Variants in MACROD2 observed in about 807,000 individuals in gnomAD.
The protein encoded by MACROD2 is mono-ADP ribosylhydrolase 2, also known as ADP-ribose glycohydrolase MACROD2.
In MACROD2, 36 loss-of-function variants were observed where a neutral mutation model predicts 70.4. The ratio of observed to expected loss-of-function variants is 0.51; its 90% CI spans 0.39 to 0.68. The LOEUF is 0.68. MACROD2 is among the 30% of genes least tolerant of loss of function. The pLI is 0.00. For missense variants in MACROD2, 496 were observed against 538.4 expected (o/e 0.92, Z 0.78); for synonymous variants, 172 against 178.8 (o/e 0.96, Z 0.30).
chr20:15,691,318 T>G (rs973241700), intron 8 of MACROD2, among the ~76,000 whole-genome samples: 1 of 152,214 alleles, frequency 6.6e-6, no homozygotes, highest in African/African-American at 2.4e-5. Flanking sequence ...ATTTGTAAAT[T>G]AATACATCCA....
intron 5 of MACROD2, among the ~76,000 whole-genome samples, chr20:14,892,438 G>A (rs1049455530): frequency 2.6e-5 from 4 of 151,900 alleles, no homozygotes; most frequent in East Asian, 1.9e-4. Context: ...CTCCAGCCTC[G>A]GCAATAGAGT....
At chr20:14,525,693 G>C (rs1049152387) in intron 4 of MACROD2, among the ~76,000 whole-genome samples, 1 of 152,244 alleles carries the variant, frequency 6.6e-6, no homozygotes, top group African/African-American at 2.4e-5. Context: ...GAGAGAAGCA[G>C]TGCCCTAATC....
chr20:15,412,274 A>G (rs149340084), intron 6 of MACROD2, among the ~76,000 whole-genome samples: 1 of 152,164 alleles, frequency 6.6e-6, no homozygotes, highest in Non-Finnish European at 1.5e-5. Context: ...ATAATTTTGC[A>G]TATGCATTAT....
intron 15 of MACROD2, among the ~76,000 whole-genome samples, chr20:16,008,494 A>G (rs890338083): frequency 2.6e-5 from 4 of 152,240 alleles, no homozygotes; most frequent in African/African-American, 9.6e-5. Context: ...GTATCCTGGC[A>G]GTGAGGCTAA....
chr20:14,659,172 A>C (rs540643823), intron 4 of MACROD2, among the ~76,000 whole-genome samples: 1 of 152,320 alleles, frequency 6.6e-6, no homozygotes, highest in African/African-American at 2.4e-5. Context: ...ATGGTAAGGA[A>C]ATATACCACA....
Position 14,969,978 on chromosome 20 carries a change from G to GTCA in MACROD2, c.419-259951_419-259949dup, listed in dbSNP as rs202085879. Among the ~76,000 whole-genome samples the GTCA allele has an allele frequency of 2.0e-5, 3 of 151,864 alleles. No homozygotes were observed. The South Asian group carries it at 6.2e-4, about 32-fold the overall frequency. On this transcript the variant is annotated intron_variant, in intron 5 of 17. Transcript: ENST00000684519. ...ATGATCCTTGTCCTCTTCCATCATC[G>GTCA]TCATCATCATCATTGTAATATATAG...
chr20:15,122,656 T>C (rs896987905), intron 5 of MACROD2, among the ~76,000 whole-genome samples: 1 of 152,206 alleles, frequency 6.6e-6, no homozygotes, highest in African/African-American at 2.4e-5. Context: ...TCTTTTTCAT[T>C]AATGTAGAGC....
intron 8 of MACROD2, among the ~76,000 whole-genome samples, chr20:15,610,251 T>C (rs1194647513): frequency 6.6e-6 from 1 of 152,198 alleles, no homozygotes; most frequent in Non-Finnish European, 1.5e-5. Flanking sequence ...ACGATCTTAG[T>C]TGCCTAGAGC....
intron 8 of MACROD2, among the ~76,000 whole-genome samples, chr20:15,606,409 A>AT (rs1270506377): frequency 1.3e-5 from 2 of 151,648 alleles, no homozygotes; most frequent in African/African-American, 4.9e-5. Flanking sequence ...TCTTCAGTTG[A>AT]TTAGTTGGCG....
chr20:15,466,380 A>G (rs1391295695), intron 7 of MACROD2, among the ~76,000 whole-genome samples: 1 of 152,238 alleles, frequency 6.6e-6, no homozygotes, highest in Non-Finnish European at 1.5e-5. Context: ...TGTGTTGACA[A>G]TCCCACCTGC....
intron 10 of MACROD2, among the ~76,000 whole-genome samples, chr20:15,917,754 G>A (rs545048985): frequency 6.6e-6 from 1 of 151,870 alleles, no homozygotes; most frequent in South Asian, 2.1e-4. Context: ...TTTTTACCAG[G>A]GCATTAGTAA....
At chr20:14,219,402 T>C (rs776627341) in intron 3 of MACROD2, among the ~76,000 whole-genome samples, 2 of 152,158 alleles carry the variant, frequency 1.3e-5, no homozygotes, top group Non-Finnish European at 2.9e-5. Flanking sequence ...TTCTTTAAGC[T>C]ATCTATTTCC....
At chr20:14,877,766 G>A (rs1158379053) in intron 5 of MACROD2, among the ~76,000 whole-genome samples, 2 of 152,080 alleles carry the variant, frequency 1.3e-5, no homozygotes, top group Non-Finnish European at 2.9e-5. Context: ...TTTGTGTGGT[G>A]AATCACATTT....
chr20:15,275,236 A>C (rs1386288100), intron 6 of MACROD2, among the ~76,000 whole-genome samples: 2 of 152,102 alleles, frequency 1.3e-5, no homozygotes, highest in Non-Finnish European at 2.9e-5. Context: ...ACAACAACAA[A>C]AACAAACAAA....
chr20:14,646,455 C>T (rs1440378657), intron 4 of MACROD2, among the ~76,000 whole-genome samples: 2 of 152,004 alleles, frequency 1.3e-5, no homozygotes, highest in African/African-American at 4.8e-5. Context: ...ATTAATATAG[C>T]ACTATTATGT....
chr20:15,178,899 A>C (rs1158511092), intron 5 of MACROD2, among the ~76,000 whole-genome samples: 1 of 152,280 alleles, frequency 6.6e-6, no homozygotes, highest in East Asian at 1.9e-4. Flanking sequence ...ACAGTATAGC[A>C]GGGGCAAATT....
At chr20:14,859,397 C>G (rs963927064) in intron 5 of MACROD2, among the ~76,000 whole-genome samples, 2 of 152,064 alleles carry the variant, frequency 1.3e-5, no homozygotes, top group Admixed American at 6.6e-5. Context: ...TGCTTTAATT[C>G]ATGTAAAGTG....
At chr20:14,085,939 C>A (rs901851787) in intron 3 of MACROD2, among the ~76,000 whole-genome samples, 1 of 152,054 alleles carries the variant, frequency 6.6e-6, no homozygotes, top group African/African-American at 2.4e-5. Flanking sequence ...CAGTGAAAGG[C>A]GCTAGGTTGA....
intron 8 of MACROD2, among the ~76,000 whole-genome samples, chr20:15,692,880 G>A (rs976047518): frequency 6.6e-6 from 1 of 152,134 alleles, no homozygotes; most frequent in Non-Finnish European, 1.5e-5. Flanking sequence ...GGAGGAGCCT[G>A]GTGGGAGGTC....
Sources: gnomAD v4.1 joint callset for allele counts (sites outside exome capture counted in the v4.1 genomes callset) on GRCh38, gnomAD v4.1.1 for gene constraint, MANE v1.5 for transcripts, NCBI Gene and HGNC (gene_info 2026-07-23, HGNC 2026-07-21) for gene names.